The following ITPR1 variants were observed in gnomAD, a reference collection of about 807,000 sequenced individuals.
ITPR1 encodes inositol 1,4,5-trisphosphate-gated calcium channel ITPR1.
ITPR1 carries 96 observed loss-of-function variants against 318.4 expected under a neutral mutation model. The observed-to-expected ratio is 0.30, with a 90% CI of 0.26 to 0.36. The LOEUF is 0.36. ITPR1 is among the 10% of genes least tolerant of loss of function. The pLI is 1.00. For missense variants in ITPR1, 2,440 were observed against 3,460.2 expected, an observed-to-expected ratio of 0.71 and a Z score of 7.40; for synonymous variants, 1,312 against 1,289.9, an observed-to-expected ratio of 1.02 and a Z score of -0.37.
chr3:4,681,835 T>C (rs1559683597), intron 26 of ITPR1, among the ~76,000 whole-genome samples: 1 of 152,154 alleles, frequency 6.6e-6, no homozygotes, highest in Non-Finnish European at 1.5e-5. Context: ...ATTTTATCCC[T>C]GAGCTCCTTA....
chr3:4,513,478 A>G (rs2081978925), intron 2 of ITPR1, among the ~76,000 whole-genome samples: 1 of 151,900 alleles, frequency 6.6e-6, no homozygotes, highest in African/African-American at 2.4e-5. Flanking sequence ...TTTAATTGGG[A>G]CCCCTGGCAG....
At chr3:4,810,787 T>A (rs1014573312) in intron 55 of ITPR1, among the ~76,000 whole-genome samples, 1 of 152,200 alleles carries the variant, frequency 6.6e-6, no homozygotes, top group African/African-American at 2.4e-5. Context: ...GAGCTGAGAT[T>A]TGAATTTACA....
chr3:4,714,507 G>A (rs1210225666), intron 39 of ITPR1, among the ~76,000 whole-genome samples: 3 of 152,118 alleles, frequency 2.0e-5, no homozygotes, highest in Non-Finnish European at 4.4e-5. Context: ...CTGTGCCTAC[G>A]AGGAGGCTGG....
chr3:4,741,773 G>C (rs564074473), intron 44 of ITPR1, among the ~76,000 whole-genome samples: 30 of 152,306 alleles, frequency 2.0e-4, no homozygotes, highest in Admixed American at 7.8e-4. Flanking sequence ...TGGTTTGACA[G>C]GGCAGTCACC....
At chr3:4,689,162 A>C (rs189106012) in intron 31 of ITPR1, among the ~76,000 whole-genome samples, 3 of 152,322 alleles carry the variant, frequency 2.0e-5, no homozygotes, top group Admixed American at 2.0e-4. Context: ...AATCAGAGAG[A>C]TATAAATTTT....
chr3:4,774,633 C>T (rs770864782), intron 46 of ITPR1, among the ~76,000 whole-genome samples: 4 of 152,182 alleles, frequency 2.6e-5, no homozygotes, highest in Non-Finnish European at 4.4e-5. Context: ...CTCTTGTTTA[C>T]ATTTAGAACT....
At chr3:4,735,430 T>C in intron 44 of ITPR1, 76 bp downstream of exon 44, 1 of 1,271,304 alleles carries the variant, frequency 7.9e-7, no homozygotes, top group South Asian at 1.2e-5. Context: ...GCCAGATGTC[T>C]GGGTGGTACC....
At chr3:4,660,488 G>A (rs983849090) in intron 13 of ITPR1, among the ~76,000 whole-genome samples, 16 of 149,806 alleles carry the variant, frequency 1.1e-4, no homozygotes, top group East Asian at 2.0e-4. Context: ...AGAGTTATCC[G>A]TCTTTTACTT....
At position 4,532,982 on chromosome 3, in the gene ITPR1, G is replaced by C. The variant is rs138082522; in HGVS notation, c.163+11888G>C. Among the ~76,000 whole-genome samples the C allele has an allele frequency of 3.3e-5, 5 of 152,372 alleles. No homozygotes were observed. In the East Asian group the frequency reaches 9.6e-4, roughly 29 times the overall value. ...CAGAGGGAATTTCTGCTCTGGGACA[G>C]AGGTTAGATGGATGATTCCATTTGA... On this transcript the variant is annotated intron_variant, in intron 4 of 61. Coordinates refer to ENST00000649015, the MANE Select transcript of ITPR1 (RefSeq NM_001378452.1).
intron 3 of ITPR1, among the ~76,000 whole-genome samples, chr3:4,518,502 T>A (rs568048786): frequency 3.9e-5 from 6 of 152,196 alleles, no homozygotes; most frequent in Non-Finnish European, 8.8e-5. Flanking sequence ...AGGATAGCAG[T>A]GTAAAAATGG....
chr3:4,546,370 G>A (rs2084999186), intron 4 of ITPR1, among the ~76,000 whole-genome samples: 1 of 152,106 alleles, frequency 6.6e-6, no homozygotes, highest in East Asian at 1.9e-4. Context: ...GAAGTTGGTG[G>A]ATTATACCCA....
At chr3:4,697,979 G>A (rs546501065) in intron 34 of ITPR1, among the ~76,000 whole-genome samples, 1 of 152,248 alleles carries the variant, frequency 6.6e-6, no homozygotes, top group Non-Finnish European at 1.5e-5. Flanking sequence ...TGAACTTGAG[G>A]ATTCTGCAAA....
At chr3:4,819,103 C>T (rs2049506786) in intron 60 of ITPR1, among the ~76,000 whole-genome samples, 1 of 152,266 alleles carries the variant, frequency 6.6e-6, no homozygotes, top group South Asian at 2.1e-4. Context: ...TGCTTTTTAC[C>T]TAGATGTAAT....
At chr3:4,834,600 A>G (rs1355091390) in intron 60 of ITPR1, among the ~76,000 whole-genome samples, 2 of 152,100 alleles carry the variant, frequency 1.3e-5, no homozygotes, top group East Asian at 3.9e-4. Flanking sequence ...CTTCTGAAAA[A>G]TGAGGTTTCC....
At chr3:4,510,559 A>C (rs1388469525) in intron 2 of ITPR1, among the ~76,000 whole-genome samples, 1 of 152,188 alleles carries the variant, frequency 6.6e-6, no homozygotes, top group Non-Finnish European at 1.5e-5. Context: ...AGACTTTTTC[A>C]TTCATTTATT....
At position 4,846,317 on chromosome 3, in the gene ITPR1, T is replaced by G; in HGVS notation, c.*92T>G. 1.3e-6 allele frequency: 1 copy of G among 790,334 alleles called. No individual in the cohort carries two copies. Among genetic ancestry groups the G allele is most frequent in the Non-Finnish European group, 2.1e-6 (1 of 477,110 alleles). 49.0% of individuals were successfully genotyped at this position (790,334 alleles called of 1,614,324 possible). Reference sequence around the variant, plus strand: ...TTCTGATTCACCCACGAAGGTTACATTTATGCTGAATACATTTGTAAATAC... The same window carrying G: ...TTCTGATTCACCCACGAAGGTTACAGTTATGCTGAATACATTTGTAAATAC... On this transcript the variant is annotated 3_prime_UTR_variant, in exon 62 of 62. Coordinates refer to ENST00000649015, the MANE Select transcript of ITPR1 (RefSeq NM_001378452.1).
At chr3:4,623,386 T>G (rs1380953921) in intron 4 of ITPR1, among the ~76,000 whole-genome samples, 1 of 152,202 alleles carries the variant, frequency 6.6e-6, no homozygotes, top group Non-Finnish European at 1.5e-5. Flanking sequence ...CACCATAATT[T>G]TTTGAAAGCT....
In ITPR1 at chr3:4,815,044, C is replaced by A. The variant is rs1201722509; in HGVS notation, c.7702-9C>A. 2 of 1,604,452 alleles carry A rather than the reference C, an allele frequency of 1.2e-6. No homozygotes were observed. The highest frequency in any genetic ancestry group is 1.7e-6 in the Non-Finnish European group (2 of 1,174,254). Reference sequence around the variant, plus strand: ...GACCCAGACTGATCCAGACACCTCTCTTTTCCAGGAACCCCTGTTTGCTGC... The same window carrying A: ...GACCCAGACTGATCCAGACACCTCTATTTTCCAGGAACCCCTGTTTGCTGC... On this transcript the variant is annotated splice_polypyrimidine_tract_variant and intron_variant, in intron 58 of 61. Transcript: ENST00000649015.
At chr3:4,683,898 A>T (rs1251012668) in intron 28 of ITPR1, 100 bp downstream of exon 28, 2 of 1,085,730 alleles carry the variant, frequency 1.8e-6, no homozygotes, top group Admixed American at 5.2e-5. Flanking sequence ...GATAGGATTT[A>T]TTTTCAAGAG....
Sources: gnomAD v4.1 joint callset for allele counts (sites outside exome capture counted in the v4.1 genomes callset) on GRCh38, gnomAD v4.1.1 for gene constraint, MANE v1.5 for transcripts, NCBI Gene and HGNC (gene_info 2026-07-23, HGNC 2026-07-21) for gene names.